ELMO2: variants seen among roughly 807,000 people sequenced by gnomAD.
ELMO2 encodes engulfment and cell motility 2.
A neutral mutation model predicts 96.2 loss-of-function variants in ELMO2; 37 were observed. The ratio of observed to expected loss-of-function variants is 0.38; its 90% CI spans 0.30 to 0.51. The LOEUF (loss-of-function observed/expected upper bound fraction) is 0.51, where lower values mean the gene tolerates loss of function less well. ELMO2 is among the 20% of genes least tolerant of loss of function. The pLI is 0.88. For synonymous variants in ELMO2, 315 were observed against 329.4 expected (o/e 0.96, Z 0.47); for missense variants, 561 against 912.6 (o/e 0.61, Z 4.96).
intron 11 of ELMO2, among the ~76,000 whole-genome samples, chr20:46,378,963 G>A (rs1229909316): frequency 6.6e-6 from 1 of 152,070 alleles, no homozygotes; most frequent in African/African-American, 2.4e-5. Flanking sequence ...TGGTCTCCCA[G>A]GTTTCCCTTG....
intron 11 of ELMO2, among the ~76,000 whole-genome samples, chr20:46,378,200 G>A (rs188036181): frequency 6.6e-6 from 1 of 152,252 alleles, no homozygotes; most frequent in Admixed American, 6.5e-5. Flanking sequence ...GACAGTTTGA[G>A]GTTTTACCTG....
chr20:46,371,751 G>A lies in ELMO2; in HGVS notation c.1580+55C>T. On this transcript the variant is annotated intron_variant, in intron 17 of 21. Coordinates refer to ENST00000290246, the MANE Select transcript of ELMO2 (RefSeq NM_133171.5). This position sits in a 1 kb window ranked among gnomAD's most constrained non-coding sequence, Gnocchi z 5.9. ...CATGGGGACAGTGGAGCTCTGGAAG[G>A]AAAGCAGAGCTGGCAGCCACCTCCC... 1 of 1,613,514 alleles carries A rather than the reference G, an allele frequency of 6.2e-7. No individual in the cohort carries two copies. Among genetic ancestry groups the A allele is most frequent in the East Asian group, 2.2e-5 (1 of 44,882 alleles).
intron 1 of ELMO2, among the ~76,000 whole-genome samples, chr20:46,405,399 G>A (rs1302546191): frequency 6.6e-6 from 1 of 152,150 alleles, no homozygotes; most frequent in South Asian, 2.1e-4. Flanking sequence ...CCCCAAGGAA[G>A]GCAGGAGCTT....
intron 6 of ELMO2, among the ~76,000 whole-genome samples, chr20:46,392,068 A>G (rs1418998516): frequency 6.6e-6 from 1 of 152,154 alleles, no homozygotes; most frequent in Non-Finnish European, 1.5e-5. Flanking sequence ...TTTTGTGAGT[A>G]TCACCAGTGT....
chr20:46,403,800 T>C (rs376485280), intron 1 of ELMO2, among the ~76,000 whole-genome samples: 90 of 152,348 alleles, frequency 5.9e-4, no homozygotes, highest in African/African-American at 2.1e-3. Context: ...ACTGGGGCTG[T>C]AGGCCGGGCG....
intron 11 of ELMO2, chr20:46,376,695 C>G (rs1367566826): frequency 1.6e-6 from 2 of 1,289,528 alleles, no homozygotes; most frequent in Non-Finnish European, 2.0e-6. Context: ...CTCCCTCTGT[C>G]TCACCCACCA....
chr20:46,401,174 A>G (rs752181727), intron 1 of ELMO2, among the ~76,000 whole-genome samples: 1 of 152,284 alleles, frequency 6.6e-6, no homozygotes, highest in South Asian at 2.1e-4. Context: ...CGAGAACACA[A>G]TCTCTATAAA....
intron 2 of ELMO2, among the ~76,000 whole-genome samples, chr20:46,395,851 C>A (rs951981256): frequency 1.8e-4 from 28 of 152,248 alleles, no homozygotes; most frequent in African/African-American, 6.8e-4. Context: ...GTCCTCCCAG[C>A]AGCCCCACGA....
chr20:46,398,645 C>T (rs148782989), intron 2 of ELMO2, 52 bp downstream of exon 2: 1 of 152,316 alleles, frequency 6.6e-6, no homozygotes, highest in East Asian at 1.9e-4. Context: ...TTGCTCACTT[C>T]TATATCATTA....
rs2059851999 is a variant in ELMO2, at chr20:46,375,938, G to C, written c.808-148C>G. The C allele has an allele frequency of 4.4e-6, 5 of 1,124,880 alleles. No homozygotes were observed. The South Asian group carries it at 8.0e-5, about 18-fold the overall frequency. 69.7% of individuals were successfully genotyped at this position (1,124,880 alleles called of 1,614,324 possible). A position where few individuals can be genotyped will look rare whatever the true frequency, so the allele number is the denominator to read the frequency against. The stretch of plus-strand genomic sequence containing the variant: ...GGACTTCATATTCTAGAAGGCGATG[G>C]AGCATGAATGGGCTTGGTTCAGGCA... On this transcript the variant is annotated intron_variant, in intron 11 of 21. Transcript: ENST00000290246. This position sits in a 1 kb window ranked among gnomAD's most constrained non-coding sequence, Gnocchi z 4.6.
At chr20:46,383,335 T>C in intron 10 of ELMO2, 81 bp downstream of exon 10, 2 of 1,379,468 alleles carry the variant, frequency 1.4e-6, no homozygotes, top group Non-Finnish European at 2.1e-6. Flanking sequence ...GGATTTGTGC[T>C]CTCTGCATAG....
At chr20:46,387,977 C>A (rs1274560898) in intron 7 of ELMO2, among the ~76,000 whole-genome samples, 1 of 152,204 alleles carries the variant, frequency 6.6e-6, no homozygotes. Context: ...ATGATGTATG[C>A]AAAGCTCTTA....
chr20:46,374,463 G>A (rs372384478), intron 14 of ELMO2, 23 bp from the exon 15 acceptor site: 46 of 1,612,968 alleles, frequency 2.9e-5, no homozygotes, highest in Non-Finnish European at 3.7e-5. Flanking sequence ...GAGAAAGGGA[G>A]GATTAGGGAG....
chr20:46,379,684 G>A (rs926541238), intron 11 of ELMO2, among the ~76,000 whole-genome samples: 10 of 151,824 alleles, frequency 6.6e-5, no homozygotes, highest in Admixed American at 2.6e-4. Flanking sequence ...TGTTATTCCC[G>A]GTCTGCCTAC....
rs2059966580 is a variant in ELMO2 at position 46,382,096 on chromosome 20, T to G, written c.756+1320A>C. ...AGATTCACAGCACACAACCTTTCCC[T>G]GGGTCTTGGCATGCCCTGAACATCT... is the stretch of plus-strand genomic sequence containing the variant. On this transcript the variant is annotated intron_variant, in intron 10 of 21. Transcript: ENST00000290246. 3 of 981,348 alleles carry G rather than the reference T, an allele frequency of 3.1e-6. No homozygotes were observed. The South Asian group carries it at 4.0e-5, about 13-fold the overall frequency. 60.8% of individuals were successfully genotyped at this position (981,348 alleles called of 1,614,324 possible). A position where few individuals can be genotyped will look rare whatever the true frequency, so the allele number is the denominator to read the frequency against.
chr20:46,370,580 C>G, intron 19 of ELMO2, 55 bp from the exon 20 acceptor site: 1 of 1,535,286 alleles, frequency 6.5e-7, no homozygotes, highest in Non-Finnish European at 9.0e-7. Flanking sequence ...CTGGTCAGTG[C>G]CTACATCAGT....
At position 46,375,460 on chromosome 20, in the gene ELMO2, C is replaced by T; in HGVS notation, c.931-90G>A. On this transcript the variant is annotated intron_variant, in intron 12 of 21. Transcript: ENST00000290246. This position sits in a 1 kb window ranked among gnomAD's most constrained non-coding sequence, Gnocchi z 4.6. ...GTGGGTCAGGCTTTTCTGGGCCAAA[C>T]TTTGGCCCCAATCAATCCCTTAGGA... The T allele has an allele frequency of 6.5e-7, 1 of 1,548,766 alleles. No homozygotes were observed. Among genetic ancestry groups the T allele is most frequent in the African/African-American group, 1.4e-5 (1 of 73,492 alleles).
chr20:46,396,112 A>G (rs1454074753), intron 2 of ELMO2, among the ~76,000 whole-genome samples: 1 of 152,248 alleles, frequency 6.6e-6, no homozygotes, highest in African/African-American at 2.4e-5. Flanking sequence ...TCTGCAGCTC[A>G]TGGCAGAATT....
At chr20:46,373,648 C>T (rs957303919) in intron 15 of ELMO2, 113 bp from the exon 16 acceptor site, 13 of 1,391,494 alleles carry the variant, frequency 9.3e-6, no homozygotes, top group African/African-American at 5.8e-5. Flanking sequence ...GCCTAAGGCG[C>T]GCAATTAACA....
Sources: allele counts gnomAD v4.1 joint callset (sites outside exome capture counted in the v4.1 genomes callset), GRCh38; gene constraint gnomAD v4.1.1; non-coding constraint Gnocchi (gnomAD v3.1); transcripts MANE v1.5; gene names NCBI Gene and HGNC (gene_info 2026-07-23, HGNC 2026-07-21).